CASTOR2: variants seen among roughly 807,000 people sequenced by gnomAD.
CASTOR2 encodes the protein GATS protein like 2.
CASTOR2 carries 8 observed loss-of-function variants against 31.2 expected under a neutral mutation model. The observed-to-expected ratio is 0.26, with a 90% CI of 0.15 to 0.46. The LOEUF is 0.46. Ranked by LOEUF, CASTOR2 falls within the 20% of genes least tolerant of loss-of-function variation. CASTOR2 has a pLI of 0.99. For synonymous variants in CASTOR2, 162 were observed against 158.7 expected (o/e 1.02, Z -0.16); for missense variants, 216 against 382.1 (o/e 0.57, Z 3.62).
intron 6 of CASTOR2, among the ~76,000 whole-genome samples, chr7:75,020,388 G>A (rs993745282): frequency 4.0e-5 from 6 of 151,738 alleles, no homozygotes; most frequent in African/African-American, 1.5e-4. Flanking sequence ...GTGCCACCAT[G>A]CCCAGCTAAT....
At chr7:75,017,557 AC>A in intron 2 of CASTOR2, 40 bp from the exon 3 acceptor site, 1 of 1,604,964 alleles carries the variant, frequency 6.2e-7, no homozygotes, top group Non-Finnish European at 8.5e-7. Context: ...GTCATCTGGA[AC>A]CTCAGCAGTC....
chr7:75,025,592 C>T lies in CASTOR2; in HGVS notation c.*893C>T, dbSNP rs933210294. 0.011 allele frequency among the ~76,000 whole-genome samples: 1,615 copies of T among 152,374 alleles called. 38 individuals carry two copies. The highest frequency in any genetic ancestry group is 0.037 in the African/African-American group (1,543 of 41,588). ...AACAGACAACTAGACCAGCATAGGACTCCCCGCCGTCCTCCTCCCTCCTCT... is the reference window on the plus strand; with the variant it reads ...AACAGACAACTAGACCAGCATAGGATTCCCCGCCGTCCTCCTCCCTCCTCT... On this transcript the variant is annotated 3_prime_UTR_variant, in exon 9 of 9. Coordinates refer to ENST00000616305, the MANE Select transcript of CASTOR2 (RefSeq NM_001145064.3).
chr7:74,999,463 T>C (rs1804440122), intron 1 of CASTOR2, among the ~76,000 whole-genome samples: 2 of 151,962 alleles, frequency 1.3e-5, no homozygotes, highest in African/African-American at 4.8e-5. Context: ...GAGAGACCCA[T>C]TGAAAACCCA....
At chr7:74,987,794 C>T (rs1804107734) in intron 1 of CASTOR2, among the ~76,000 whole-genome samples, 1 of 151,878 alleles carries the variant, frequency 6.6e-6, no homozygotes, top group Non-Finnish European at 1.5e-5. Context: ...CTGCAACCTC[C>T]ACCTCCCAGG....
At chr7:74,976,552 C>A (rs1422623837) in intron 1 of CASTOR2, among the ~76,000 whole-genome samples, 1 of 145,378 alleles carries the variant, frequency 6.9e-6, no homozygotes, top group African/African-American at 2.6e-5. Flanking sequence ...TCCTCCTCCT[C>A]CTCCTCCTCC....
chr7:74,965,733 T>G (rs1584453448), intron 1 of CASTOR2, among the ~76,000 whole-genome samples: 2 of 628 alleles, frequency 3.2e-3, no homozygotes, highest in Admixed American at 0.071. Context: ...GGTGGGGGGG[T>G]GTTTTGCCCA....
chr7:75,014,326 C>A (rs1325933945), intron 2 of CASTOR2, among the ~76,000 whole-genome samples: 1 of 149,640 alleles, frequency 6.7e-6, no homozygotes, highest in Non-Finnish European at 1.5e-5. Context: ...GTAATCCCAG[C>A]ACTTTGGGAG....
At chr7:74,978,140 G>T (rs1235576600) in intron 1 of CASTOR2, among the ~76,000 whole-genome samples, 7 of 144,118 alleles carry the variant, frequency 4.9e-5, no homozygotes, top group Non-Finnish European at 7.6e-5. Flanking sequence ...GGGTCTTGCT[G>T]TCACCCAGGC....
At chr7:74,994,788 A>AG (rs1172546760) in intron 1 of CASTOR2, among the ~76,000 whole-genome samples, 2 of 151,546 alleles carry the variant, frequency 1.3e-5, no homozygotes, top group African/African-American at 4.8e-5. Context: ...GGTTGAAGCC[A>AG]GGGTGCAGGG....
At chr7:74,965,861 C>CACACAT (rs1324873371) in intron 1 of CASTOR2, among the ~76,000 whole-genome samples, 5 of 17,912 alleles carry the variant, frequency 2.8e-4, no homozygotes, top group Non-Finnish European at 3.7e-4. Context: ...CACACACACA[C>CACACAT]ACACACACAC....
chr7:75,016,612 T>C (rs1332515530), intron 2 of CASTOR2, among the ~76,000 whole-genome samples: 3 of 152,176 alleles, frequency 2.0e-5, no homozygotes, highest in Non-Finnish European at 2.9e-5. Context: ...CTGAGAGGTA[T>C]CCAGGAACCC....
chr7:75,010,305 C>T (rs1204810404), intron 2 of CASTOR2, among the ~76,000 whole-genome samples: 2 of 152,010 alleles, frequency 1.3e-5, no homozygotes, highest in Non-Finnish European at 2.9e-5. Context: ...GGGCCAGGTC[C>T]AGCCTCTAAA....
chr7:74,994,117 C>G (rs1381637864), intron 1 of CASTOR2, among the ~76,000 whole-genome samples: 3 of 152,242 alleles, frequency 2.0e-5, no homozygotes, highest in Admixed American at 2.0e-4. Flanking sequence ...GCAGCCGCAG[C>G]GATTGAAGAT....
rs1805082523 is a variant in CASTOR2 at position 75,024,765 on chromosome 7, C to T, written c.*66C>T. ...GCCCTAACCCTGAAGATTGATCTTGCAGTATTTCTCTACAGACTGGAAAAT... is the reference window on the plus strand; with the variant it reads ...GCCCTAACCCTGAAGATTGATCTTGTAGTATTTCTCTACAGACTGGAAAAT... On this transcript the variant is annotated 3_prime_UTR_variant, in exon 9 of 9. Transcript: ENST00000616305. 6.4e-7 allele frequency: 1 copy of T among 1,551,304 alleles called. No homozygotes were observed.
In CASTOR2 at chr7:75,026,189, G is replaced by GTTTGTTTTTTTTTTT. The variant is rs1805124942; in HGVS notation, c.*1493_*1494insGTTTTTTTTTTTTTT. Reference sequence around the variant, plus strand: ...CCCTGTGGTTTTGGCTCTGGCGGGGGTTTTTTTTTTTTTTTTTGAGATGGG... The same window carrying GTTTGTTTTTTTTTTT: ...CCCTGTGGTTTTGGCTCTGGCGGGGGTTTGTTTTTTTTTTTTTTTTTTTTTTTTTTTTGAGATGGG... On this transcript the variant is annotated 3_prime_UTR_variant, in exon 9 of 9. Coordinates refer to ENST00000616305, the MANE Select transcript of CASTOR2 (RefSeq NM_001145064.3). Among the ~76,000 whole-genome samples, 1 of 117,744 alleles carries GTTTGTTTTTTTTTTT rather than the reference G, an allele frequency of 8.5e-6. No homozygotes were observed. Among genetic ancestry groups the GTTTGTTTTTTTTTTT allele is most frequent in the African/African-American group, 3.2e-5 (1 of 30,772 alleles). 77.2% of individuals were successfully genotyped at this position (117,744 alleles called of 152,430 possible). A position where few individuals can be genotyped will look rare whatever the true frequency, so the allele number is the denominator to read the frequency against.
At chr7:74,993,358 C>A (rs1804257361) in intron 1 of CASTOR2, among the ~76,000 whole-genome samples, 1 of 151,512 alleles carries the variant, frequency 6.6e-6, no homozygotes, top group Non-Finnish European at 1.5e-5. Context: ...CTGGAGGAGG[C>A]AACAAAAATA....
intron 2 of CASTOR2, among the ~76,000 whole-genome samples, chr7:75,009,198 C>T (rs1804672940): frequency 6.6e-6 from 1 of 151,276 alleles, no homozygotes; most frequent in Non-Finnish European, 1.5e-5. Flanking sequence ...CCTCATGATC[C>T]ACCCGCCTCG....
chr7:75,004,021 C>T (rs1385879955), intron 1 of CASTOR2, among the ~76,000 whole-genome samples: 3 of 152,254 alleles, frequency 2.0e-5, no homozygotes, highest in African/African-American at 2.4e-5. Flanking sequence ...ATAATTTGTG[C>T]GGTCTATTTC....
intron 7 of CASTOR2, 61 bp downstream of exon 7, chr7:75,022,017 ATACGTT>A (rs1805017394): frequency 3.1e-5 from 47 of 1,540,882 alleles, no homozygotes. Flanking sequence ...GCCCATTCAC[ATACGTT>A]GTCCGCAGTG....
Sources: allele counts gnomAD v4.1 joint callset (sites outside exome capture counted in the v4.1 genomes callset), GRCh38; gene constraint gnomAD v4.1.1; transcripts MANE v1.5; gene names NCBI Gene and HGNC (gene_info 2026-07-23, HGNC 2026-07-21).